Variants in FAIM2 observed in about 807,000 individuals in gnomAD.
FAIM2 encodes Fas apoptotic inhibitory molecule 2.
A neutral mutation model predicts 47.4 loss-of-function variants in FAIM2; 27 were observed. The ratio of observed to expected loss-of-function variants is 0.57; its 90% CI spans 0.42 to 0.78. FAIM2 has a LOEUF of 0.78. Ranked by LOEUF, FAIM2 falls within the 30% of genes least tolerant of loss-of-function variation. The pLI, the probability that FAIM2 is intolerant of heterozygous loss-of-function variation, is 0.00. For missense variants in FAIM2, 311 were observed against 389.4 expected (o/e 0.80, Z 1.69); for synonymous variants, 156 against 159.3 (o/e 0.98, Z 0.16).
chr12:49,870,478 G>A lies in FAIM2; in HGVS notation c.*26C>T, dbSNP rs868287087. ...GGAACCAGGAGGGGCGCATTCTCTG[G>A]AGGACGGTGGGGCAGGGAGGGCTCC... On this transcript the variant is annotated 3_prime_UTR_variant, in exon 12 of 12. Coordinates refer to ENST00000320634, the MANE Select transcript of FAIM2 (RefSeq NM_012306.4). 1 of 1,609,252 alleles carries A rather than the reference G, an allele frequency of 6.2e-7. No homozygotes were observed. Among genetic ancestry groups the A allele is most frequent in the Non-Finnish European group, 8.5e-7 (1 of 1,176,610 alleles).
At chr12:49,885,400 A>G (rs1946854354) in intron 11 of FAIM2, among the ~76,000 whole-genome samples, 1 of 152,170 alleles carries the variant, frequency 6.6e-6, no homozygotes, top group Admixed American at 6.5e-5. Context: ...TAGGGCCTCC[A>G]GGCGCTGTTG....
intron 11 of FAIM2, among the ~76,000 whole-genome samples, chr12:49,871,669 CTT>C (rs3049277): frequency 8.6e-4 from 121 of 141,448 alleles, no homozygotes; most frequent in Middle Eastern, 3.7e-3. Context: ...CTTTTCTTTT[CTT>C]TTTTTTTTTT....
chr12:49,900,054 C>T (rs1052785069), intron 2 of FAIM2: 9 of 397,912 alleles, frequency 2.3e-5, no homozygotes, highest in Admixed American at 9.9e-5. Context: ...ACATATTCTG[C>T]GAAAGCCCAG....
intron 5 of FAIM2, among the ~76,000 whole-genome samples, chr12:49,896,223 A>G (rs2137104619): frequency 1.3e-5 from 2 of 152,262 alleles, no homozygotes. Flanking sequence ...TGAGCGCGAG[A>G]GCAGTTCTGC....
At chr12:49,889,367 C>A (rs189787605) in intron 9 of FAIM2, 114 bp downstream of exon 9, 4 of 1,071,176 alleles carry the variant, frequency 3.7e-6, no homozygotes, top group South Asian at 1.3e-5. Flanking sequence ...ACCCAACTCA[C>A]CCCCTTTACT....
chr12:49,873,876 A>G (rs1161702629), intron 11 of FAIM2, among the ~76,000 whole-genome samples: 1 of 152,186 alleles, frequency 6.6e-6, no homozygotes, highest in Non-Finnish European at 1.5e-5. Flanking sequence ...TATTCCCAAC[A>G]ATATTTGCTG....
chr12:49,890,005 C>A, intron 8 of FAIM2, 112 bp downstream of exon 8: 1 of 1,072,668 alleles, frequency 9.3e-7, no homozygotes, highest in South Asian at 1.3e-5. Flanking sequence ...CCTGAGCCCC[C>A]GGGCCCATCC....
chr12:49,884,704 GTC>G lies in FAIM2; in HGVS notation c.801+2680_801+2681del, dbSNP rs1434209931. Among the ~76,000 whole-genome samples the G allele has an allele frequency of 4.2e-3, 638 of 152,316 alleles. 2 individuals carry two copies. Among genetic ancestry groups the G allele is most frequent in the African/African-American group, 0.015 (611 of 41,570 alleles). On this transcript the variant is annotated intron_variant, in intron 11 of 11. Coordinates refer to ENST00000320634, the MANE Select transcript of FAIM2 (RefSeq NM_012306.4). ...AAGAATCTGTGCCAGGACGGGCATG[GTC>G]ACTCACGCCTGTAATCCCAGCACTT...
chr12:49,889,197 G>C lies in FAIM2; in HGVS notation c.657C>G (p.Asp219Glu). The part of the protein sequence containing the change: ...VTVFSFQTKF[D>E]FTSCQGVLFV... ...AGAGCACGCCCTGGCAGGAGGTGAA[G>C]TCGAACTGTGGGGACAGGATGGGGT... is the stretch of plus-strand genomic sequence containing the variant. Residue 219 changes from aspartate to glutamate, a missense_variant, in exon 10 of 12, where the codon GAC (aspartate) becomes GAG (glutamate). Physicochemically the swap from Asp to Glu is conservative, Grantham distance 45. Transcript: ENST00000320634. 1.2e-6 allele frequency: 2 copies of C among 1,609,756 alleles called. No individual in the cohort carries two copies. Among genetic ancestry groups the C allele is most frequent in the Non-Finnish European group, 1.7e-6 (2 of 1,177,976 alleles).
chr12:49,899,015 C>G (rs924835893), intron 2 of FAIM2, among the ~76,000 whole-genome samples: 3 of 152,104 alleles, frequency 2.0e-5, no homozygotes, highest in East Asian at 1.9e-4. Context: ...AGAACTGAGG[C>G]TTTTGGAAGA....
At chr12:49,888,511 C>T (rs1233208024) in intron 10 of FAIM2, among the ~76,000 whole-genome samples, 1 of 152,160 alleles carries the variant, frequency 6.6e-6, no homozygotes. Flanking sequence ...CCTGTGATGA[C>T]CCCAATCTGC....
At chr12:49,900,116 G>T in intron 2 of FAIM2, 2 of 961,380 alleles carry the variant, frequency 2.1e-6, no homozygotes, top group Non-Finnish European at 2.9e-6. Flanking sequence ...GGGCCGGCGG[G>T]TGTGTAGGGA....
intron 11 of FAIM2, among the ~76,000 whole-genome samples, chr12:49,880,779 AGTGT>A (rs1304884240): frequency 6.7e-6 from 1 of 148,764 alleles, no homozygotes; most frequent in Non-Finnish European, 1.5e-5. Flanking sequence ...TGTGTATATG[AGTGT>A]GTATGTATAT....
At position 49,878,023 on chromosome 12, in the gene FAIM2, AGT is replaced by A. The variant is rs539373814; in HGVS notation, c.802-7372_802-7371del. On this transcript the variant is annotated intron_variant, in intron 11 of 11. Coordinates refer to ENST00000320634, the MANE Select transcript of FAIM2 (RefSeq NM_012306.4). Reference sequence around the variant, plus strand: ...GTGCATGTGCATGTGTGTATGTGTGAGTGTGGGTATGTGTATGCATGTGCATG... The same window carrying A: ...GTGCATGTGCATGTGTGTATGTGTGAGTGGGTATGTGTATGCATGTGCATG... Among the ~76,000 whole-genome samples, 18 of 123,196 alleles carry A rather than the reference AGT, an allele frequency of 1.5e-4. No individual in the cohort carries two copies. The South Asian group carries it at 1.9e-3, about 13-fold the overall frequency. The allele number at this position is 123,196 out of a possible 152,430, so 80.8% of individuals were successfully genotyped here. A position where few individuals can be genotyped will look rare whatever the true frequency, so the allele number is the denominator to read the frequency against.
At chr12:49,903,129 C>A (rs982592979) in intron 1 of FAIM2, among the ~76,000 whole-genome samples, 4 of 151,984 alleles carry the variant, frequency 2.6e-5, no homozygotes, top group Non-Finnish European at 5.9e-5. Flanking sequence ...CTAGGCCAGC[C>A]GAGTCTCTGC....
Position 49,878,394 on chromosome 12 carries a change from GTGTC to G in FAIM2, c.802-7745_802-7742del, listed in dbSNP as rs373288905. 5.7e-4 allele frequency among the ~76,000 whole-genome samples: 44 copies of G among 76,800 alleles called. 12 individuals are homozygous for G. The East Asian group carries it at 0.015, about 27-fold the overall frequency. The allele number at this position is 76,800 out of a possible 152,430, so 50.4% of individuals were successfully genotyped here. On this transcript the variant is annotated intron_variant, in intron 11 of 11. Transcript: ENST00000320634. ...GGCATGTGCATGTGTGTATATGTGT[GTGTC>G]TGTGTGCATGTGAGTGTATGTGTGT...
intron 10 of FAIM2, among the ~76,000 whole-genome samples, chr12:49,888,037 G>C (rs1394151338): frequency 6.6e-6 from 1 of 152,190 alleles, no homozygotes; most frequent in Non-Finnish European, 1.5e-5. Flanking sequence ...GCCAGCTGTG[G>C]GGGAAACTCT....
intron 11 of FAIM2, among the ~76,000 whole-genome samples, chr12:49,879,469 CATGTGTATGTGCATGTGAGTGTATGT>C (rs1338772378): frequency 4.0e-5 from 6 of 149,516 alleles, no homozygotes; most frequent in African/African-American, 7.4e-5. Context: ...TGTATATGTG[CATGTGTATGTGCATGTGAGTGTATGT>C]GTGTATATGT....
chr12:49,891,342 G>A (rs1039570482), intron 5 of FAIM2, among the ~76,000 whole-genome samples: 63 of 152,098 alleles, frequency 4.1e-4, no homozygotes, highest in African/African-American at 1.5e-3. Context: ...GGGAATCTTG[G>A]GTCACATGAG....
Sources: gnomAD v4.1 joint callset for allele counts (sites outside exome capture counted in the v4.1 genomes callset) on GRCh38, gnomAD v4.1.1 for gene constraint, MANE v1.5 for transcripts, NCBI Gene and HGNC (gene_info 2026-07-23, HGNC 2026-07-21) for gene names.